BRD10: variants seen among roughly 807,000 people sequenced by gnomAD.
BRD10 encodes the protein uncharacterized bromodomain-containing protein 10.
chr9:5,967,259 C>T, the BRD10 span, among the ~76,000 whole-genome samples: 10 of 152,038 alleles, frequency 6.6e-5, no homozygotes, highest in African/African-American at 2.4e-4. Context: ...TTTTATCTCA[C>T]TTATGTGCTT....
At chr9:5,952,723 C>A in the BRD10 span, among the ~76,000 whole-genome samples, 2 of 152,158 alleles carry the variant, frequency 1.3e-5, no homozygotes, top group Non-Finnish European at 2.9e-5. Context: ...CATCTACATT[C>A]CCAGGGCTGA....
the BRD10 span, among the ~76,000 whole-genome samples, chr9:5,952,459 C>A: frequency 6.6e-6 from 1 of 152,164 alleles, no homozygotes; most frequent in South Asian, 2.1e-4. Context: ...TGTGAGTGTA[C>A]ATATTCACAC....
At chr9:5,891,355 T>C in the BRD10 span, 1 of 152,210 alleles carries the variant, frequency 6.6e-6, no homozygotes, top group East Asian at 1.9e-4. Context: ...CATTCTGTCA[T>C]TTTGAACACA....
At chr9:6,007,192 T>C in the BRD10 span, 2 of 1,610,876 alleles carry the variant, frequency 1.2e-6, no homozygotes, top group South Asian at 1.1e-5. Context: ...CGGGCTCGCT[T>C]ACCGAGAGAG....
At chr9:5,992,716 CTT>C in the BRD10 span, among the ~76,000 whole-genome samples, 112,211 of 149,158 alleles carry the variant, frequency 0.75, 43,565 homozygotes, top group Non-Finnish European at 0.88. Context: ...CTTTCTCCCC[CTT>C]TTTTTTTTTT....
the BRD10 span, among the ~76,000 whole-genome samples, chr9:5,977,176 A>T: frequency 3.9e-5 from 6 of 152,356 alleles, no homozygotes; most frequent in South Asian, 2.1e-4. Flanking sequence ...GAAGAGGAAG[A>T]AAATTCATGA....
chr9:5,917,407 A>G, the BRD10 span, among the ~76,000 whole-genome samples: 1 of 152,256 alleles, frequency 6.6e-6, no homozygotes, highest in Non-Finnish European at 1.5e-5. Context: ...GAACAGGTTG[A>G]AATGAAGCTG....
At chr9:5,927,426 G>A in the BRD10 span, among the ~76,000 whole-genome samples, 2 of 151,816 alleles carry the variant, frequency 1.3e-5, no homozygotes, top group Admixed American at 6.6e-5. Context: ...TCACACAAAC[G>A]ACAACAACAA....
chr9:5,978,578 A>G, the BRD10 span, among the ~76,000 whole-genome samples: 1 of 152,210 alleles, frequency 6.6e-6, no homozygotes, highest in Non-Finnish European at 1.5e-5. Context: ...TGACAACAAC[A>G]GAATCTCCTC....
the BRD10 span, chr9:5,920,220 T>G: frequency 1.1e-5 from 18 of 1,613,776 alleles, no homozygotes; most frequent in Non-Finnish European, 1.5e-5. Flanking sequence ...TGGCCACTGT[T>G]AAGAACTAAG....
At chr9:5,960,516 T>G in the BRD10 span, among the ~76,000 whole-genome samples, 1 of 147,720 alleles carries the variant, frequency 6.8e-6, no homozygotes, top group Non-Finnish European at 1.5e-5. Context: ...GAGCAGAGAA[T>G]GCGCCAATGC....
chr9:5,950,069 C>G, the BRD10 span, among the ~76,000 whole-genome samples: 1 of 152,116 alleles, frequency 6.6e-6, no homozygotes, highest in Non-Finnish European at 1.5e-5. Flanking sequence ...AACAATACAA[C>G]AGGGATAAAC....
the BRD10 span, chr9:5,969,511 C>T: frequency 9.4e-7 from 1 of 1,061,042 alleles, no homozygotes; most frequent in Non-Finnish European, 1.3e-6. Context: ...GTATATTTAT[C>T]TTTAGCCAAA....
the BRD10 span, among the ~76,000 whole-genome samples, chr9:5,947,424 C>A: frequency 6.6e-6 from 1 of 151,908 alleles, no homozygotes; most frequent in African/African-American, 2.4e-5. Context: ...TATGAAAATA[C>A]AAGATTAATT....
At chr9:5,912,721 A>G in the BRD10 span, among the ~76,000 whole-genome samples, 1 of 152,250 alleles carries the variant, frequency 6.6e-6, no homozygotes, top group African/African-American at 2.4e-5. Context: ...AAGCATGGGC[A>G]CAGGAGTCCT....
the BRD10 span, among the ~76,000 whole-genome samples, chr9:5,986,319 C>G: frequency 6.6e-6 from 1 of 152,184 alleles, no homozygotes; most frequent in Non-Finnish European, 1.5e-5. Flanking sequence ...CTTTTTATGG[C>G]TGCAGAGTAT....
At chr9:5,976,859 G>T in the BRD10 span, among the ~76,000 whole-genome samples, 2 of 152,094 alleles carry the variant, frequency 1.3e-5, no homozygotes. Flanking sequence ...TGACAGAGAA[G>T]AGTGTTACAT....
the BRD10 span, among the ~76,000 whole-genome samples, chr9:6,005,232 C>T: frequency 2.6e-5 from 4 of 152,088 alleles, no homozygotes; most frequent in African/African-American, 9.7e-5. Context: ...TATTATAGGC[C>T]GGGCGCGGTG....
At chr9:6,007,707 G>T in the BRD10 span, 2 of 1,607,060 alleles carry the variant, frequency 1.2e-6, no homozygotes, top group South Asian at 1.1e-5. Context: ...CCTCCTCGTC[G>T]TCCTCTCCTT....
Sources: allele counts gnomAD v4.1 joint callset (sites outside exome capture counted in the v4.1 genomes callset), GRCh38; gene constraint gnomAD v4.1.1; transcripts MANE v1.5; gene names NCBI Gene and HGNC (gene_info 2026-07-23, HGNC 2026-07-21).